OTOA: variants seen among roughly 807,000 people sequenced by gnomAD.
OTOA encodes cancer/testis antigen 108.
Under a neutral mutation model 110.8 loss-of-function variants are expected in OTOA, and 70 were observed. The ratio of observed to expected loss-of-function variants is 0.63; its 90% CI spans 0.52 to 0.77. OTOA has a LOEUF of 0.77. OTOA is among the 30% of genes least tolerant of loss of function. The pLI is 0.00. For missense variants in OTOA, 917 were observed against 1,075.8 expected (o/e 0.85, Z 2.06); for synonymous variants, 373 against 431.5 (o/e 0.86, Z 1.68).
rs528270779 is a variant in OTOA at position 21,677,801 on chromosome 16, A to AT, written c.-4-704dup. 1.4e-3 allele frequency among the ~76,000 whole-genome samples: 212 copies of AT among 149,244 alleles called. 1 individual carries two copies. The highest frequency in any genetic ancestry group is 6.9e-3 in the Middle Eastern group (2 of 288). ...CTGGCCAACTTCATATCTTTTTAAC[A>AT]TTTTTTCCCCTTGGCTTGTCTATCT... is the stretch of plus-strand genomic sequence containing the variant. On this transcript the variant is annotated intron_variant, in intron 1 of 28. Coordinates refer to ENST00000646100, the MANE Select transcript of OTOA (RefSeq NM_144672.4).
chr16:21,709,742 CT>C (rs1898296717), intron 12 of OTOA, 145 bp from the exon 13 acceptor site: 1 of 751,652 alleles, frequency 1.3e-6, no homozygotes, highest in African/African-American at 1.7e-5. Context: ...GCAGGAGTCC[CT>C]TTCCTTCATC....
intron 9 of OTOA, among the ~76,000 whole-genome samples, chr16:21,693,188 C>T (rs1457194583): frequency 2.6e-5 from 4 of 152,164 alleles, no homozygotes; most frequent in Non-Finnish European, 4.4e-5. Context: ...CACTTGAGCC[C>T]GGGAGGCAGA....
chr16:21,701,105 C>T lies in OTOA; in HGVS notation c.980+78C>T, dbSNP rs79906009. 4.8e-3 allele frequency: 7,749 copies of T among 1,598,382 alleles called. 223 individuals are homozygous for T. In the East Asian group the frequency reaches 0.06, roughly 12 times the overall value. On this transcript the variant is annotated intron_variant, in intron 11 of 28. Transcript: ENST00000646100. ...CATCAGAATTCTCTGAGCAGCAAAA[C>T]ACCCAGGGAGGGAAGGGAGGTGGCT...
chr16:21,697,653 T>C, intron 9 of OTOA, 122 bp from the exon 10 acceptor site: 1 of 927,670 alleles, frequency 1.1e-6, no homozygotes, highest in Non-Finnish European at 1.7e-6. Context: ...AAAAACAAAA[T>C]AACGAATTAA....
chr16:21,714,009 C>A (rs555615117), intron 13 of OTOA, among the ~76,000 whole-genome samples: 1 of 152,132 alleles, frequency 6.6e-6, no homozygotes, highest in East Asian at 1.9e-4. Flanking sequence ...CACTTTTACT[C>A]AGAAGGCAAG....
intron 14 of OTOA, among the ~76,000 whole-genome samples, chr16:21,716,627 G>A (rs1405238316): frequency 6.6e-6 from 1 of 152,034 alleles, no homozygotes; most frequent in Non-Finnish European, 1.5e-5. Context: ...CCAATACCTT[G>A]CAGATAGCAA....
chr16:21,686,389 A>G (rs1038160789), intron 7 of OTOA, among the ~76,000 whole-genome samples: 1 of 151,884 alleles, frequency 6.6e-6, no homozygotes, highest in African/African-American at 2.4e-5. Context: ...CCTGAGCCCA[A>G]GTGATCCTCC....
chr16:21,722,943 A>T lies in OTOA; in HGVS notation c.1845A>T (p.Arg615Ser), dbSNP rs764813070. The T allele has an allele frequency of 2.5e-6, 4 of 1,614,160 alleles. No homozygotes were observed. The highest frequency in any genetic ancestry group is 3.4e-6 in the Non-Finnish European group (4 of 1,180,014). ...CGTGGAAATACTGGGAAGTTTCCAG[A>T]TTGTCTATGCCACCTTTCCTCTTGG... ...CLAWKYWEVS[R>S]LSMPPFLLAA... The change falls in exon 18 of 29, where the codon AGA becomes AGT. Residue 615 changes from arginine (R) to serine (S), a missense_variant. Physicochemically the swap from Arg to Ser is moderately radical, Grantham distance 110. This residue lies in a region of OTOA where 840 missense variants were observed against 910.2 expected (regional missense o/e 0.92). Coordinates refer to ENST00000646100, the MANE Select transcript of OTOA (RefSeq NM_144672.4).
rs462834 is a variant in OTOA, at chr16:21,730,699, T to C, written c.2208-138T>C. 2,733 of 691,770 alleles carry C rather than the reference T, an allele frequency of 4.0e-3. 30 individuals are homozygous for C. Among genetic ancestry groups the C allele is most frequent in the Middle Eastern group, 0.019 (70 of 3,702 alleles). The allele number at this position is 691,770 out of a possible 1,614,324, so 42.9% of individuals were successfully genotyped here. On this transcript the variant is annotated intron_variant, in intron 20 of 28. Transcript: ENST00000646100. ...AGCCTGCATCACATGCCAATTTTCTTGGTCAAGGAAGTGGGACCATGTGAT... is the reference window on the plus strand; with the variant it reads ...AGCCTGCATCACATGCCAATTTTCTCGGTCAAGGAAGTGGGACCATGTGAT...
intron 10 of OTOA, among the ~76,000 whole-genome samples, chr16:21,698,914 G>A (rs1897996387): frequency 6.6e-6 from 1 of 152,082 alleles, no homozygotes; most frequent in Non-Finnish European, 1.5e-5. Flanking sequence ...GAAGGGAGAA[G>A]TCAAGAATAA....
chr16:21,680,184 TATCC>T (rs60446298), intron 5 of OTOA, among the ~76,000 whole-genome samples: 77 of 150,176 alleles, frequency 5.1e-4, no homozygotes, highest in South Asian at 8.4e-4. Context: ...TTTATTAATT[TATCC>T]ATCCATCCAT....
intron 11 of OTOA, among the ~76,000 whole-genome samples, chr16:21,704,603 G>C (rs974811470): frequency 2.0e-5 from 3 of 152,140 alleles, no homozygotes; most frequent in Non-Finnish European, 4.4e-5. Flanking sequence ...CATTGGTTTG[G>C]ACTGGGGAGG....
At position 21,675,307 on chromosome 16, in the gene OTOA, A is replaced by ATT. The variant is rs57498010; in HGVS notation, c.-4-3175_-4-3174dup. ...GGGATTACAGCCACCACACCTGGCTATTTTTTTTTTTTTTTTTTTTTTTTT... is the reference window on the plus strand; with the variant it reads ...GGGATTACAGCCACCACACCTGGCTATTTTTTTTTTTTTTTTTTTTTTTTTTT... On this transcript the variant is annotated intron_variant, in intron 1 of 28. Transcript: ENST00000646100. Among the ~76,000 whole-genome samples, 202 of 37,158 alleles carry ATT rather than the reference A, an allele frequency of 5.4e-3. 32 individuals are homozygous for ATT. Among genetic ancestry groups the ATT allele is most frequent in the Admixed American group, 0.017 (41 of 2,388 alleles). 24.4% of individuals were successfully genotyped at this position (37,158 alleles called of 152,430 possible).
At chr16:21,703,529 G>C (rs530974104) in intron 11 of OTOA, among the ~76,000 whole-genome samples, 1 of 151,976 alleles carries the variant, frequency 6.6e-6, no homozygotes, top group Non-Finnish European at 1.5e-5. Context: ...ATCCACTGAC[G>C]TGTTGGACAC....
intron 24 of OTOA, among the ~76,000 whole-genome samples, chr16:21,750,008 T>C (rs1899777743): frequency 6.6e-6 from 1 of 150,454 alleles, no homozygotes; most frequent in South Asian, 2.1e-4. Flanking sequence ...GTAGCTGATC[T>C]TCATAGGATT....
chr16:21,728,066 T>C (rs1898980153), intron 19 of OTOA, among the ~76,000 whole-genome samples, 175 bp from the exon 20 acceptor site: 1 of 152,138 alleles, frequency 6.6e-6, no homozygotes, highest in Non-Finnish European at 1.5e-5. Flanking sequence ...GGTTTCACCA[T>C]GTTGGCCAGG....
At chr16:21,715,193 G>A (rs1458404494) in intron 14 of OTOA, 41 bp downstream of exon 14, 1 of 1,613,558 alleles carries the variant, frequency 6.2e-7, no homozygotes, top group Non-Finnish European at 8.5e-7. Flanking sequence ...ATGTCACAGG[G>A]GGTATGTTTT....
intron 22 of OTOA, among the ~76,000 whole-genome samples, chr16:21,738,628 A>G (rs1899423845): frequency 1.4e-5 from 2 of 146,692 alleles, no homozygotes; most frequent in East Asian, 2.1e-4. Flanking sequence ...TGGCCTTCAG[A>G]TGCTCCTTTC....
At chr16:21,753,924 G>A (rs1222888424) in intron 27 of OTOA, among the ~76,000 whole-genome samples, 1 of 126,838 alleles carries the variant, frequency 7.9e-6, no homozygotes, top group African/African-American at 2.9e-5. Flanking sequence ...GCTGGGCGTG[G>A]TGGTGGATGC....
Sources: gnomAD v4.1 joint callset for allele counts (sites outside exome capture counted in the v4.1 genomes callset) on GRCh38, gnomAD v4.1.1 for gene constraint, gnomAD v4.1.1 regional missense constraint, MANE v1.5 for transcripts, NCBI Gene and HGNC (gene_info 2026-07-23, HGNC 2026-07-21) for gene names.